Variants in DNAJC21 observed in about 807,000 individuals in gnomAD.
DNAJC21 encodes dnaJ homolog subfamily C member 21.
In DNAJC21, 63 loss-of-function variants were observed where a neutral mutation model predicts 72.4. The ratio of observed to expected loss-of-function variants is 0.87; its 90% CI spans 0.71 to 1.07. The LOEUF is 1.07. Among genes scored for constraint, DNAJC21 ranks in the 50% least tolerant of loss-of-function variants. DNAJC21 has a pLI of 0.00. For missense variants in DNAJC21, 634 were observed against 644.8 expected, an observed-to-expected ratio of 0.98 and a Z score of 0.18; for synonymous variants, 203 against 216.7, an observed-to-expected ratio of 0.94 and a Z score of 0.56.
intron 9 of DNAJC21, chr5:34,949,538 C>G: frequency 2.6e-6 from 4 of 1,553,220 alleles, no homozygotes; most frequent in Non-Finnish European, 3.5e-6. Context: ...TGTTTTGATT[C>G]TTAGGATGTA....
In DNAJC21 at chr5:34,958,376, T is replaced by G. The variant is rs1407759039; in HGVS notation, c.*3662T>G. On this transcript the variant is annotated 3_prime_UTR_variant, in exon 12 of 12. Transcript: ENST00000648817. ...TTGATTTTTGACAGATACGGCAAGC[T>G]CTATGGGGAAAACAATATGTACTAC... The G allele has an allele frequency of 2.0e-5, 3 of 152,116 alleles. No individual in the cohort carries two copies. The highest frequency in any genetic ancestry group is 7.2e-5 in the African/African-American group (3 of 41,396). The allele number at this position is 152,116 out of a possible 1,614,324, so 9.4% of individuals were successfully genotyped here. A position where few individuals can be genotyped will look rare whatever the true frequency, so the allele number is the denominator to read the frequency against.
chr5:34,954,764 A>G lies in DNAJC21; in HGVS notation c.*50A>G. On this transcript the variant is annotated 3_prime_UTR_variant, in exon 12 of 12. Coordinates refer to ENST00000648817, the MANE Select transcript of DNAJC21 (RefSeq NM_001012339.3). The stretch of plus-strand genomic sequence containing the variant: ...ACTGTCTCTAGATTTTGAAACCAAA[A>G]AACTGAACTGAAATCATCTAAAGAG... The G allele has an allele frequency of 6.7e-7, 1 of 1,495,468 alleles. No individual in the cohort carries two copies. The highest frequency in any genetic ancestry group is 8.9e-7 in the Non-Finnish European group (1 of 1,118,216). 92.6% of individuals were successfully genotyped at this position (1,495,468 alleles called of 1,614,324 possible).
In DNAJC21 at chr5:34,929,809, C is replaced by CCGGT; in HGVS notation, c.-7_-4dup. ...CCGGGCCCCAGCGCCGGCCGCCCGC[C>CCGGT]CGGTCGGGCGATGAAGTGTCACTAT... On this transcript the variant is annotated 5_prime_UTR_variant, in exon 1 of 12. Transcript: ENST00000648817. The CCGGT allele has an allele frequency of 7.0e-7, 1 of 1,434,290 alleles. No homozygotes were observed. The highest frequency in any genetic ancestry group is 3.0e-5 in the East Asian group (1 of 33,456). The allele number at this position is 1,434,290 out of a possible 1,614,324, so 88.8% of individuals were successfully genotyped here.
At position 34,958,128 on chromosome 5, in the gene DNAJC21, T is replaced by TA. The variant is rs1441701765; in HGVS notation, c.*3415dup. On this transcript the variant is annotated 3_prime_UTR_variant, in exon 12 of 12. Transcript: ENST00000648817. ...ACTCCCAACTCAGTAGGCCTTCTGT[T>TA]ACACCTCAAAATGTGTTACATGGGA... 9 of 152,234 alleles carry TA rather than the reference T, an allele frequency of 5.9e-5. No homozygotes were observed. Among genetic ancestry groups the TA allele is most frequent in the Admixed American group, 5.9e-4 (9 of 15,286 alleles). The allele number at this position is 152,234 out of a possible 1,614,324, so 9.4% of individuals were successfully genotyped here. A position where few individuals can be genotyped will look rare whatever the true frequency, so the allele number is the denominator to read the frequency against.
At chr5:34,946,645 T>C (rs1407026358) in intron 9 of DNAJC21, among the ~76,000 whole-genome samples, 1 of 152,162 alleles carries the variant, frequency 6.6e-6, no homozygotes, top group Non-Finnish European at 1.5e-5. Flanking sequence ...GCTTCAGTTA[T>C]AAAACCGCAT....
chr5:34,937,244 A>ATGTTTCGCATCAGTAATATTTACTGCTT, intron 4 of DNAJC21, 82 bp from the exon 5 acceptor site: 1 of 1,385,564 alleles, frequency 7.2e-7, no homozygotes. Flanking sequence ...AAGGTAAAAG[A>ATGTTTCGCATCAGTAATATTTACTGCTT]TGTTTCGCAT....
intron 9 of DNAJC21, chr5:34,949,664 T>C (rs1765294544): frequency 5.6e-6 from 9 of 1,613,846 alleles, no homozygotes; most frequent in African/African-American, 1.3e-5. Flanking sequence ...AAAATGTTGC[T>C]TGAAAACAGA....
At chr5:34,945,398 A>G (rs1449992707) in intron 8 of DNAJC21, among the ~76,000 whole-genome samples, 8 of 152,146 alleles carry the variant, frequency 5.3e-5, no homozygotes. Flanking sequence ...TTTTATCCCA[A>G]GGAAGTTATT....
rs1451832478 is a variant in DNAJC21 at position 34,937,454 on chromosome 5, A to G, written c.567A>G (p.Lys189=). 6.2e-7 allele frequency: 1 copy of G among 1,614,214 alleles called. No individual in the cohort carries two copies. Among genetic ancestry groups the G allele is most frequent in the South Asian group, 1.1e-5 (1 of 91,088 alleles). ...AACGAGCCATGGAAAAAGAAAACAA[A>G]AAGATTCGGGACAAAGCAAGGAAAG... ...WEKRAMEKEN[K]KIRDKARKEK... Residue 189 remains lysine, a synonymous_variant, in exon 5 of 12, where the codon AAA becomes AAG. Transcript: ENST00000648817.
chr5:34,944,909 G>A lies in DNAJC21; in HGVS notation c.1026G>A (p.Val342=). Residue 342 remains valine, a synonymous_variant, in exon 8 of 12, where the codon GTG becomes GTA. Transcript: ENST00000648817. ...AGTCAAAGAAGCATCGGGAAATGGT[G>A]GCCTTGCTAAAACAACAGCTGGAGG... ...HEKSKKHREM[V]ALLKQQLEEE... The A allele has an allele frequency of 6.2e-7, 1 of 1,614,066 alleles. No individual in the cohort carries two copies.
rs1245952369 is a variant in DNAJC21, at chr5:34,935,807, T to TA, written c.290dup (p.Tyr97Ter). Residue 97 changes from tyrosine (Y) to a stop codon, truncating the protein, a stop_gained and frameshift_variant, in exon 3 of 12, where the codon TAT (tyrosine) becomes TAAT (stop). Transcript: ENST00000648817. LOFTEE classifies it high-confidence loss of function. ...DLLRYFTVTC[Y>*]SGYGDDEKGF... ...GCTACGCTATTTCACCGTTACCTGT[T>TA]ATTCTGGTTATGGAGATGATGAAAA... 3.7e-6 allele frequency: 6 copies of TA among 1,613,930 alleles called. No individual in the cohort carries two copies. In the African/African-American group the frequency reaches 8.0e-5, roughly 22 times the overall value.
chr5:34,934,110 G>T (rs1764691158), intron 2 of DNAJC21, among the ~76,000 whole-genome samples: 1 of 152,102 alleles, frequency 6.6e-6, no homozygotes, highest in Non-Finnish European at 1.5e-5. Context: ...GATATCATAG[G>T]GGGTGAAACA....
chr5:34,929,930 C>G lies in DNAJC21; in HGVS notation c.97+14C>G. On this transcript the variant is annotated intron_variant, in intron 1 of 11. Transcript: ENST00000648817. ...AATGGCACCCGGGTAAGTACCTGTC[C>G]CGCAGCCCCCGCGGCCACTCGGAGA... The G allele has an allele frequency of 6.5e-7, 1 of 1,549,180 alleles. No homozygotes were observed.
chr5:34,933,907 T>C lies in DNAJC21; in HGVS notation c.190T>C (p.Trp64Arg). The change falls in exon 2 of 12, where the codon TGG (tryptophan) becomes CGG (arginine). Residue 64 changes from tryptophan to arginine, a missense_variant and splice_region_variant. Trp to Arg is a moderately radical substitution (Grantham distance 101). Transcript: ENST00000648817. ...DVLSDPQERA[W>R]YDNHREALLK... ...GTTGAGTGACCCTCAGGAAAGAGCATGGTGAGCATCACGCTGTCCTTCCCA... is the reference window on the plus strand; with the variant it reads ...GTTGAGTGACCCTCAGGAAAGAGCACGGTGAGCATCACGCTGTCCTTCCCA... 1.2e-6 allele frequency: 2 copies of C among 1,613,592 alleles called. No individual in the cohort carries two copies.
rs778427291 is a variant in DNAJC21 at position 34,955,620 on chromosome 5, ATCTAT to A, written c.*912_*916del. The A allele has an allele frequency of 2.0e-4, 31 of 151,944 alleles. No individual in the cohort carries two copies. The highest frequency in any genetic ancestry group is 2.1e-4 in the South Asian group (1 of 4,824). 9.4% of individuals were successfully genotyped at this position (151,944 alleles called of 1,614,324 possible). A position where few individuals can be genotyped will look rare whatever the true frequency, so the allele number is the denominator to read the frequency against. ...TTTGTGATAGAGCTGATGCTTATAC[ATCTAT>A]TCTATAACAGTGATGAATATTAACA... On this transcript the variant is annotated 3_prime_UTR_variant, in exon 12 of 12. Transcript: ENST00000648817.
intron 1 of DNAJC21, 93 bp from the exon 2 acceptor site, chr5:34,933,722 C>A: frequency 2.2e-6 from 2 of 917,152 alleles, no homozygotes; most frequent in South Asian, 1.6e-5. Context: ...TTGTGCACGT[C>A]TCATCTGTTT....
At chr5:34,949,044 A>G (rs1268428435) in intron 9 of DNAJC21, among the ~76,000 whole-genome samples, 1 of 152,218 alleles carries the variant, frequency 6.6e-6, no homozygotes, top group African/African-American at 2.4e-5. Flanking sequence ...GTAAATGGTC[A>G]TGGGGACAGG....
chr5:34,958,622 G>A lies in DNAJC21; in HGVS notation c.*3908G>A, dbSNP rs981896946. On this transcript the variant is annotated 3_prime_UTR_variant, in exon 12 of 12. Transcript: ENST00000648817. ...ACAAGCTACAGACAAGGAAATGTTT[G>A]CAATGCATGGAACTGTCAAAGGATT... is the stretch of plus-strand genomic sequence containing the variant. The A allele has an allele frequency of 6.6e-6, 1 of 152,164 alleles. No homozygotes were observed. The highest frequency in any genetic ancestry group is 2.4e-5 in the African/African-American group (1 of 41,432). The allele number at this position is 152,164 out of a possible 1,614,324, so 9.4% of individuals were successfully genotyped here. A position where few individuals can be genotyped will look rare whatever the true frequency, so the allele number is the denominator to read the frequency against.
chr5:34,954,316 T>A (rs1765469663), intron 11 of DNAJC21: 1 of 497,714 alleles, frequency 2.0e-6, no homozygotes, highest in Non-Finnish European at 3.4e-6. Context: ...TTCCTCTTTT[T>A]TAGTCCATGA....
Sources: allele counts gnomAD v4.1 joint callset (sites outside exome capture counted in the v4.1 genomes callset), GRCh38; gene constraint gnomAD v4.1.1; transcripts MANE v1.5; gene names NCBI Gene and HGNC (gene_info 2026-07-23, HGNC 2026-07-21).